The following PDE5A variants were observed in gnomAD, a reference collection of about 807,000 sequenced individuals.
PDE5A encodes phosphodiesterase 5A, also known as cGMP-specific 3',5'-cyclic phosphodiesterase.
In PDE5A, 67 loss-of-function variants were observed where a neutral mutation model predicts 110.2. The ratio of observed to expected loss-of-function variants is 0.61; its 90% CI spans 0.50 to 0.75. The LOEUF is 0.75. Ranked by LOEUF, PDE5A falls within the 30% of genes least tolerant of loss-of-function variation. The pLI, the probability that PDE5A is intolerant of heterozygous loss-of-function variation, is 0.00. For synonymous variants in PDE5A, 328 were observed against 351.2 expected (o/e 0.93, Z 0.74); for missense variants, 862 against 1,045.1 (o/e 0.82, Z 2.42).
rs1725724081 is a variant in PDE5A, at chr4:119,510,988, T to A, written c.2088+59A>T. On this transcript the variant is annotated intron_variant, in intron 15 of 20. Coordinates refer to ENST00000354960, the MANE Select transcript of PDE5A (RefSeq NM_001083.4). ...TGGGAATAAATCCAAGAACTAAAAA[T>A]AAAACTGAATTTATAAAGCTCTCTT... The A allele has an allele frequency of 6.7e-6, 7 of 1,041,770 alleles. No individual in the cohort carries two copies. The East Asian group carries it at 1.7e-4, about 25-fold the overall frequency. 64.5% of individuals were successfully genotyped at this position (1,041,770 alleles called of 1,614,324 possible). A position where few individuals can be genotyped will look rare whatever the true frequency, so the allele number is the denominator to read the frequency against.
intron 2 of PDE5A, among the ~76,000 whole-genome samples, chr4:119,606,203 A>G (rs1578820713): frequency 1.3e-5 from 2 of 152,326 alleles, no homozygotes; most frequent in East Asian, 3.9e-4. Flanking sequence ...TATCTGTTTA[A>G]AAAATGAAAG....
chr4:119,502,571 T>A lies in PDE5A; in HGVS notation c.2406+10A>T, dbSNP rs1725390238. 2.0e-6 allele frequency: 3 copies of A among 1,515,204 alleles called. No individual in the cohort carries two copies. Among genetic ancestry groups the A allele is most frequent in the Non-Finnish European group, 2.7e-6 (3 of 1,099,304 alleles). The allele number at this position is 1,515,204 out of a possible 1,614,324, so 93.9% of individuals were successfully genotyped here. A position where few individuals can be genotyped will look rare whatever the true frequency, so the allele number is the denominator to read the frequency against. ...TTGAATAATTCCTACCAACAAGGTT[T>A]CATACTTACAGTGGGTTCTATGTTG... On this transcript the variant is annotated intron_variant, in intron 19 of 20. Coordinates refer to ENST00000354960, the MANE Select transcript of PDE5A (RefSeq NM_001083.4).
intron 3 of PDE5A, among the ~76,000 whole-genome samples, chr4:119,568,190 C>T (rs1179326715): frequency 1.3e-5 from 2 of 151,622 alleles, no homozygotes; most frequent in Non-Finnish European, 2.9e-5. Flanking sequence ...TTTTTAAAAG[C>T]AGAATTATGC....
chr4:119,509,059 CAG>C (rs1010646494), intron 15 of PDE5A, among the ~76,000 whole-genome samples: 1 of 151,894 alleles, frequency 6.6e-6, no homozygotes, highest in Non-Finnish European at 1.5e-5. Context: ...TGGAAACACA[CAG>C]ATAGCAAAAG....
In PDE5A at chr4:119,525,810, T is replaced by A; in HGVS notation, c.1633-115A>T. On this transcript the variant is annotated intron_variant, in intron 11 of 20. Coordinates refer to ENST00000354960, the MANE Select transcript of PDE5A (RefSeq NM_001083.4). This position sits in a 1 kb window ranked among gnomAD's most constrained non-coding sequence, Gnocchi z 4.3. Reference sequence around the variant, plus strand: ...CATATTGTGGCTTTTTTTTCCTTTTTAATGAAAGACACTAGAAACCTTTTT... The same window carrying A: ...CATATTGTGGCTTTTTTTTCCTTTTAAATGAAAGACACTAGAAACCTTTTT... 9.8e-7 allele frequency: 1 copy of A among 1,023,352 alleles called. No individual in the cohort carries two copies. Among genetic ancestry groups the A allele is most frequent in the Non-Finnish European group, 1.4e-6 (1 of 712,756 alleles). 63.4% of individuals were successfully genotyped at this position (1,023,352 alleles called of 1,614,324 possible). A position where few individuals can be genotyped will look rare whatever the true frequency, so the allele number is the denominator to read the frequency against.
intron 1 of PDE5A, among the ~76,000 whole-genome samples, chr4:119,613,817 C>T (rs1018813662): frequency 8.6e-5 from 13 of 152,004 alleles, no homozygotes; most frequent in Non-Finnish European, 1.8e-4. Context: ...GTCCTACTTT[C>T]TAAAATATGA....
chr4:119,533,095 A>G (rs1726603824), intron 11 of PDE5A, among the ~76,000 whole-genome samples: 7 of 152,140 alleles, frequency 4.6e-5, no homozygotes, highest in Admixed American at 4.6e-4. Context: ...GTGTTGTATA[A>G]AGGTATTTTG....
At chr4:119,504,229 A>C (rs754283399) in intron 18 of PDE5A, among the ~76,000 whole-genome samples, 1 of 152,078 alleles carries the variant, frequency 6.6e-6, no homozygotes, top group Non-Finnish European at 1.5e-5. Context: ...GAGTTAGTTC[A>C]TTAAGGATAA....
intron 1 of PDE5A, among the ~76,000 whole-genome samples, chr4:119,611,570 G>T (rs1023957731): frequency 6.6e-6 from 1 of 152,198 alleles, no homozygotes; most frequent in Non-Finnish European, 1.5e-5. Context: ...GCCTGGTGCA[G>T]CATATGTCTT....
intron 1 of PDE5A, among the ~76,000 whole-genome samples, chr4:119,610,049 C>A (rs1729689700): frequency 6.6e-6 from 1 of 152,176 alleles, no homozygotes; most frequent in Admixed American, 6.5e-5. Flanking sequence ...GTGTATTGTA[C>A]AAATCACAAG....
rs115852409 is a variant in PDE5A at position 119,563,333 on chromosome 4, T to C, written c.994-363A>G. Among the ~76,000 whole-genome samples, 1,170 of 152,324 alleles carry C rather than the reference T, an allele frequency of 7.7e-3. 19 individuals carry two copies. The highest frequency in any genetic ancestry group is 0.027 in the African/African-American group (1,109 of 41,562). ...ATAAAGTATTTTGAACACTATCTGG[T>C]ACATAAAACGCACTGTTAATGTTGT... On this transcript the variant is annotated intron_variant, in intron 5 of 20. Coordinates refer to ENST00000354960, the MANE Select transcript of PDE5A (RefSeq NM_001083.4).
chr4:119,606,366 G>A (rs938212506), intron 2 of PDE5A, among the ~76,000 whole-genome samples: 3 of 152,098 alleles, frequency 2.0e-5, no homozygotes, highest in Non-Finnish European at 4.4e-5. Flanking sequence ...AGAGGTTCAT[G>A]TGGGGATAAC....
intron 11 of PDE5A, among the ~76,000 whole-genome samples, chr4:119,526,703 A>C (rs1365392983): frequency 6.6e-6 from 1 of 152,160 alleles, no homozygotes; most frequent in East Asian, 1.9e-4. Context: ...AATCTTATGG[A>C]GCAATCTAAA....
intron 11 of PDE5A, among the ~76,000 whole-genome samples, chr4:119,530,986 T>C (rs1344570157): frequency 6.6e-6 from 1 of 152,154 alleles, no homozygotes; most frequent in Non-Finnish European, 1.5e-5. Context: ...AAAAATCAGT[T>C]ACAGCTTGTC....
intron 17 of PDE5A, 40 bp from the exon 18 acceptor site, chr4:119,504,639 T>C (rs1422240041): frequency 6.5e-7 from 1 of 1,550,364 alleles, no homozygotes; most frequent in South Asian, 1.1e-5. Flanking sequence ...CTATTTACTT[T>C]TGTGTTATTA....
chr4:119,565,468 C>T (rs1727898119), intron 4 of PDE5A, 58 bp from the exon 5 acceptor site: 1 of 1,083,234 alleles, frequency 9.2e-7, no homozygotes, highest in South Asian at 1.3e-5. Flanking sequence ...AGTTACATTG[C>T]CTGAAATACA....
chr4:119,558,357 T>G (rs1336392309), intron 7 of PDE5A, among the ~76,000 whole-genome samples: 1 of 152,212 alleles, frequency 6.6e-6, no homozygotes, highest in Non-Finnish European at 1.5e-5. Context: ...AAATCTCGAA[T>G]GAGCTATACT....
chr4:119,580,229 T>C (rs1728542101), intron 3 of PDE5A, among the ~76,000 whole-genome samples: 1 of 152,088 alleles, frequency 6.6e-6, no homozygotes, highest in Non-Finnish European at 1.5e-5. Flanking sequence ...AATACTAAAC[T>C]CTCTGCCACA....
At chr4:119,504,467 G>T in intron 18 of PDE5A, 69 bp downstream of exon 18, 1 of 1,166,772 alleles carries the variant, frequency 8.6e-7, no homozygotes, top group Non-Finnish European at 1.3e-6. Flanking sequence ...TAGATACCTA[G>T]TAGTGGGATT....
Sources: allele counts gnomAD v4.1 joint callset (sites outside exome capture counted in the v4.1 genomes callset), GRCh38; gene constraint gnomAD v4.1.1; non-coding constraint Gnocchi (gnomAD v3.1); transcripts MANE v1.5; gene names NCBI Gene and HGNC (gene_info 2026-07-23, HGNC 2026-07-21).